Variants in DLGAP2 observed in about 807,000 individuals in gnomAD.
DLGAP2 encodes disks large-associated protein 2.
A neutral mutation model predicts 100.3 loss-of-function variants in DLGAP2; 26 were observed. That is an observed-to-expected ratio of 0.26 (90% CI 0.19 to 0.36). The LOEUF (loss-of-function observed/expected upper bound fraction) is 0.36, where lower values mean the gene tolerates loss of function less well. Among genes scored for constraint, DLGAP2 ranks in the 10% least tolerant of loss-of-function variants. DLGAP2 has a pLI of 1.00. For missense variants in DLGAP2, 1,858 were observed against 1,453.2 expected (o/e 1.28, Z -4.53); for synonymous variants, 886 against 630.1 (o/e 1.41, Z -6.08).
At chr8:1,229,976 A>T (rs1210093675) in intron 2 of DLGAP2, among the ~76,000 whole-genome samples, 35 of 152,122 alleles carry the variant, frequency 2.3e-4, no homozygotes, top group Non-Finnish European at 1.5e-5. Flanking sequence ...AAGGATGCCC[A>T]CTCTCACCAC....
At chr8:1,370,310 G>A (rs1220110250) in intron 3 of DLGAP2, among the ~76,000 whole-genome samples, 3 of 152,080 alleles carry the variant, frequency 2.0e-5, no homozygotes, top group Non-Finnish European at 2.9e-5. Context: ...CAGTCACACG[G>A]CGTGATTCAT....
intron 3 of DLGAP2, among the ~76,000 whole-genome samples, chr8:1,334,570 G>T (rs1287438082): frequency 6.6e-6 from 1 of 152,070 alleles, no homozygotes; most frequent in East Asian, 1.9e-4. Context: ...TGTGAGAGGT[G>T]GGCCCTTCCC....
At chr8:1,145,842 C>G (rs28455584) in intron 2 of DLGAP2, among the ~76,000 whole-genome samples, 31,533 of 145,508 alleles carry the variant, frequency 0.22, 3,529 homozygotes, top group Middle Eastern at 0.34. Flanking sequence ...CAATTCCCAC[C>G]TATGAGTGAG....
intron 3 of DLGAP2, among the ~76,000 whole-genome samples, chr8:1,368,395 G>T (rs866415749): frequency 6.7e-6 from 1 of 150,172 alleles, no homozygotes; most frequent in East Asian, 1.9e-4. Flanking sequence ...ATGTGTGTGG[G>T]TATGTGTGTG....
intron 2 of DLGAP2, among the ~76,000 whole-genome samples, chr8:1,064,668 G>C (rs17668166): frequency 6.6e-6 from 1 of 151,890 alleles, no homozygotes; most frequent in Non-Finnish European, 1.5e-5. Flanking sequence ...TAAAATATTC[G>C]CTGTCAACAC....
chr8:1,387,438 A>G (rs891678485), intron 3 of DLGAP2, among the ~76,000 whole-genome samples: 8 of 152,332 alleles, frequency 5.3e-5, no homozygotes, highest in Admixed American at 4.6e-4. Flanking sequence ...CTGGAGACAC[A>G]CATCACAGCA....
intron 1 of DLGAP2, among the ~76,000 whole-genome samples, chr8:849,108 G>A (rs915399608): frequency 6.6e-6 from 1 of 151,348 alleles, no homozygotes; most frequent in Non-Finnish European, 1.5e-5. Flanking sequence ...GTATAGGAAT[G>A]TGCAGTGTCT....
At chr8:1,147,122 G>A (rs547699032) in intron 2 of DLGAP2, among the ~76,000 whole-genome samples, 4 of 152,274 alleles carry the variant, frequency 2.6e-5, no homozygotes, top group Admixed American at 2.6e-4. Context: ...GCATTGACAT[G>A]GTAGTTTCTT....
chr8:1,276,454 G>A (rs1021280067), intron 3 of DLGAP2, among the ~76,000 whole-genome samples: 4 of 152,140 alleles, frequency 2.6e-5, no homozygotes, highest in African/African-American at 9.7e-5. Flanking sequence ...GGAGGGAAGG[G>A]TGAGGGGGGA....
chr8:1,519,906 G>A (rs867338003), intron 4 of DLGAP2, among the ~76,000 whole-genome samples: 3 of 152,246 alleles, frequency 2.0e-5, no homozygotes, highest in South Asian at 2.1e-4. Context: ...TAGACCAAAG[G>A]GGCGTGGCTG....
At chr8:1,078,434 T>C (rs2129038900) in intron 2 of DLGAP2, among the ~76,000 whole-genome samples, 1 of 152,312 alleles carries the variant, frequency 6.6e-6, no homozygotes, top group Middle Eastern at 3.4e-3. Context: ...CCACAGCTTA[T>C]ATCACATCCA....
chr8:1,208,913 A>G (rs1798050216), intron 2 of DLGAP2, among the ~76,000 whole-genome samples: 1 of 147,678 alleles, frequency 6.8e-6, no homozygotes, highest in Non-Finnish European at 1.5e-5. Context: ...AATAAATAAA[A>G]TGCTTAGGAA....
At chr8:964,953 G>A (rs1024476958) in intron 2 of DLGAP2, among the ~76,000 whole-genome samples, 5 of 152,016 alleles carry the variant, frequency 3.3e-5, no homozygotes, top group East Asian at 3.9e-4. Flanking sequence ...CCGCACACAC[G>A]GCTCCTGAGC....
chr8:1,254,453 TG>T (rs1210146481), intron 2 of DLGAP2, among the ~76,000 whole-genome samples: 2 of 152,156 alleles, frequency 1.3e-5, no homozygotes, highest in Non-Finnish European at 2.9e-5. Flanking sequence ...TTAAATAAGA[TG>T]CAATGGGCTT....
chr8:811,801 C>G (rs913239878), intron 1 of DLGAP2, among the ~76,000 whole-genome samples: 1 of 152,272 alleles, frequency 6.6e-6, no homozygotes, highest in Non-Finnish European at 1.5e-5. Flanking sequence ...AGATGAAGCT[C>G]CCATCAAAGG....
Position 1,077,348 on chromosome 8 carries a change from A to G in DLGAP2, c.73+169382A>G, listed in dbSNP as rs1405172195. On this transcript the variant is annotated intron_variant, in intron 2 of 14. Transcript: ENST00000637795. Reference sequence around the variant, plus strand: ...CCCTGCAGGGCACAGTTCTACCCACACCTGTTAGTAAACACTCAGCTCGTC... The same window carrying G: ...CCCTGCAGGGCACAGTTCTACCCACGCCTGTTAGTAAACACTCAGCTCGTC... Among the ~76,000 whole-genome samples, 9 of 152,224 alleles carry G rather than the reference A, an allele frequency of 5.9e-5. 1 individual carries two copies. The South Asian group carries it at 1.9e-3, about 32-fold the overall frequency.
chr8:1,174,116 G>A (rs73184516), intron 2 of DLGAP2, among the ~76,000 whole-genome samples: 5 of 152,048 alleles, frequency 3.3e-5, no homozygotes, highest in Non-Finnish European at 7.4e-5. Flanking sequence ...AGGGCTCAGG[G>A]CTTAGGGGAG....
chr8:1,295,034 C>G (rs181680093), intron 3 of DLGAP2, among the ~76,000 whole-genome samples: 1 of 152,016 alleles, frequency 6.6e-6, no homozygotes, highest in Non-Finnish European at 1.5e-5. Flanking sequence ...AGGGTGATAT[C>G]GCTGAGCAGA....
At chr8:1,372,767 T>A (rs1208567417) in intron 3 of DLGAP2, among the ~76,000 whole-genome samples, 1 of 152,166 alleles carries the variant, frequency 6.6e-6, no homozygotes, top group Non-Finnish European at 1.5e-5. Flanking sequence ...AAACTCTTAT[T>A]AATTGTACTG....
Sources: gnomAD v4.1 joint callset for allele counts (sites outside exome capture counted in the v4.1 genomes callset) on GRCh38, gnomAD v4.1.1 for gene constraint, MANE v1.5 for transcripts, NCBI Gene and HGNC (gene_info 2026-07-23, HGNC 2026-07-21) for gene names.